Variants in PHACTR4 observed in about 807,000 individuals in gnomAD.
PHACTR4 encodes the protein phosphatase and actin regulator 4.
A neutral mutation model predicts 72.7 loss-of-function variants in PHACTR4; 51 were observed. That is an observed-to-expected ratio of 0.70 (90% CI 0.56 to 0.89). The LOEUF (loss-of-function observed/expected upper bound fraction) is 0.89, where lower values mean the gene tolerates loss of function less well. Ranked by LOEUF, PHACTR4 falls within the 40% of genes least tolerant of loss-of-function variation. PHACTR4 has a pLI of 0.00. For missense variants in PHACTR4, 731 were observed against 861.8 expected, an observed-to-expected ratio of 0.85 and a Z score of 1.90; for synonymous variants, 255 against 302.5, an observed-to-expected ratio of 0.84 and a Z score of 1.63.
intron 2 of PHACTR4, among the ~76,000 whole-genome samples, chr1:28,419,501 CACTT>C (rs1217785855): frequency 2.6e-5 from 4 of 151,772 alleles, no homozygotes; most frequent in Admixed American, 6.6e-5. Context: ...TACACACACA[CACTT>C]TTTTTGAGAT....
intron 1 of PHACTR4, 107 bp downstream of exon 1, chr1:28,369,932 C>A (rs1352153232): frequency 1.4e-5 from 5 of 368,048 alleles, no homozygotes; most frequent in Non-Finnish European, 5.2e-6. Flanking sequence ...GGTCCCGGTC[C>A]GGGCAGAAGG....
rs1652853908 is a variant in PHACTR4 at position 28,389,744 on chromosome 1, T to C, written c.-38-17666T>C. The stretch of plus-strand genomic sequence containing the variant: ...CCTGCCTCGGCCCCCCACCAAGTTT[T>C]GGGATTACAGGCGTGAGCCACCGCG... On this transcript the variant is annotated intron_variant, in intron 1 of 13. Coordinates refer to ENST00000373839, the MANE Select transcript of PHACTR4 (RefSeq NM_001048183.3). Among the ~76,000 whole-genome samples the C allele has an allele frequency of 2.6e-5, 4 of 152,284 alleles. No individual in the cohort carries two copies. In the Middle Eastern group the frequency reaches 0.01, roughly 388 times the overall value.
intron 1 of PHACTR4, among the ~76,000 whole-genome samples, chr1:28,373,250 T>G (rs976062954): frequency 1.3e-5 from 2 of 152,072 alleles, no homozygotes; most frequent in African/African-American, 4.8e-5. Flanking sequence ...TGAGCCAGTG[T>G]GTCTAGCTAT....
At position 28,395,285 on chromosome 1, in the gene PHACTR4, T is replaced by C. The variant is rs575500189; in HGVS notation, c.-38-12125T>C. 2.7e-4 allele frequency among the ~76,000 whole-genome samples: 41 copies of C among 152,292 alleles called. 1 individual carries two copies. The South Asian group carries it at 8.5e-3, about 32-fold the overall frequency. On this transcript the variant is annotated intron_variant, in intron 1 of 13. Transcript: ENST00000373839. The stretch of plus-strand genomic sequence containing the variant: ...GATACATAACGATGCCAGAAATATA[T>C]ACGGCTTCATTTTTGTGGGTGTTGA...
intron 9 of PHACTR4, among the ~76,000 whole-genome samples, chr1:28,488,439 G>A (rs191362230): frequency 6.6e-6 from 1 of 152,326 alleles, no homozygotes; most frequent in East Asian, 1.9e-4. Flanking sequence ...GGAGCTTGTA[G>A]TGAGCCGAGA....
At chr1:28,487,975 G>A (rs757739173) in intron 9 of PHACTR4, among the ~76,000 whole-genome samples, 3 of 151,686 alleles carry the variant, frequency 2.0e-5, no homozygotes, top group Non-Finnish European at 2.9e-5. Flanking sequence ...GACCTCAGGT[G>A]ATCCACCTGC....
chr1:28,491,515 T>C, intron 11 of PHACTR4, 135 bp from the exon 12 acceptor site: 1 of 1,198,478 alleles, frequency 8.3e-7, no homozygotes, highest in East Asian at 2.4e-5. Context: ...GGGTGGGACC[T>C]CCAGGGATCA....
chr1:28,370,547 T>C (rs928226706), intron 1 of PHACTR4, among the ~76,000 whole-genome samples: 1 of 148,818 alleles, frequency 6.7e-6, no homozygotes, highest in Admixed American at 6.7e-5. Flanking sequence ...AATGGTAGAA[T>C]GGCAGTTCAC....
At chr1:28,444,756 C>T (rs1003487423) in intron 2 of PHACTR4, among the ~76,000 whole-genome samples, 1 of 147,698 alleles carries the variant, frequency 6.8e-6, no homozygotes, top group Non-Finnish European at 1.5e-5. Context: ...GCTAGGACTA[C>T]AGGCGCCTGC....
At chr1:28,425,505 T>A (rs1217236794) in intron 2 of PHACTR4, among the ~76,000 whole-genome samples, 4 of 152,244 alleles carry the variant, frequency 2.6e-5, no homozygotes, top group Non-Finnish European at 5.9e-5. Flanking sequence ...CAGGAATTTT[T>A]ATTGAGTCGT....
Position 28,465,830 on chromosome 1 carries a change from G to A in PHACTR4, c.417G>A (p.Glu139=). The A allele has an allele frequency of 6.2e-7, 1 of 1,607,976 alleles. No homozygotes were observed. Among genetic ancestry groups the A allele is most frequent in the Non-Finnish European group, 8.5e-7 (1 of 1,178,350 alleles). ...GTCTTAGGAAAGCTATTCCAGAAGA[G>A]GACCTAAAGAAACGACTAGGTAAGA... is the stretch of plus-strand genomic sequence containing the variant. The part of the protein sequence containing the change: ...LASLRKAIPE[E]DLKKRLGSTG... Residue 139 remains glutamate, a synonymous_variant, in exon 5 of 14, where the codon GAG becomes GAA. Coordinates refer to ENST00000373839, the MANE Select transcript of PHACTR4 (RefSeq NM_001048183.3).
chr1:28,382,848 C>G (rs1213515924), intron 1 of PHACTR4, among the ~76,000 whole-genome samples: 4 of 152,032 alleles, frequency 2.6e-5, no homozygotes, highest in Non-Finnish European at 5.9e-5. Flanking sequence ...GGCTGGAGTA[C>G]AGTGGCACGA....
chr1:28,478,268 A>C (rs890814681), intron 8 of PHACTR4, among the ~76,000 whole-genome samples: 2 of 152,194 alleles, frequency 1.3e-5, no homozygotes, highest in African/African-American at 4.8e-5. Flanking sequence ...TCAATTGTGT[A>C]TATACACCAC....
chr1:28,499,323 T>C lies in PHACTR4; in HGVS notation c.*2774T>C, dbSNP rs1410610477. On this transcript the variant is annotated 3_prime_UTR_variant, in exon 14 of 14. Transcript: ENST00000373839. The stretch of plus-strand genomic sequence containing the variant: ...GCTAATTTTATATTTCTAGTAGAGA[T>C]GAGGTTTCTCCATGTTGGTCAGGCT... The C allele has an allele frequency of 1.3e-5, 2 of 151,854 alleles. No homozygotes were observed. Among genetic ancestry groups the C allele is most frequent in the Non-Finnish European group, 2.9e-5 (2 of 68,028 alleles). The allele number at this position is 151,854 out of a possible 1,614,324, so 9.4% of individuals were successfully genotyped here.
chr1:28,480,486 C>G lies in PHACTR4; in HGVS notation c.1642C>G (p.Leu548Val). 6.2e-7 allele frequency: 1 copy of G among 1,614,118 alleles called. No individual in the cohort carries two copies. The highest frequency in any genetic ancestry group is 8.5e-7 in the Non-Finnish European group (1 of 1,180,014). ...CAACAAAGTGAAGAGGAAAGACACA[C>G]TGGCAATGAAGTTGAACCACAGACC... ...LANKVKRKDT[L>V]AMKLNHRPSE... Residue 548 changes from leucine (L) to valine (V), a missense_variant, in exon 9 of 14, where the codon CTG becomes GTG. By Grantham distance (32) the Leu-to-Val change is conservative. Transcript: ENST00000373839.
chr1:28,434,985 G>A (rs936668347), intron 2 of PHACTR4, among the ~76,000 whole-genome samples: 1 of 152,164 alleles, frequency 6.6e-6, no homozygotes, highest in Non-Finnish European at 1.5e-5. Flanking sequence ...GGCTGTGTGT[G>A]TGTGTGTATT....
intron 1 of PHACTR4, among the ~76,000 whole-genome samples, chr1:28,380,247 G>T (rs1005504536): frequency 6.7e-6 from 1 of 150,204 alleles, no homozygotes; most frequent in Non-Finnish European, 1.5e-5. Context: ...TAGTAGAGAC[G>T]GGGTTTCACT....
chr1:28,496,450 T>C (rs1661367150), intron 13 of PHACTR4, 84 bp from the exon 14 acceptor site: 1 of 1,447,198 alleles, frequency 6.9e-7, no homozygotes, highest in Non-Finnish European at 9.7e-7. Flanking sequence ...GTTAATTAGG[T>C]ATAACATTTC....
intron 2 of PHACTR4, among the ~76,000 whole-genome samples, chr1:28,422,929 G>A (rs1490531357): frequency 1.3e-5 from 2 of 152,182 alleles, no homozygotes; most frequent in Admixed American, 6.5e-5. Flanking sequence ...TGGGACTACC[G>A]GCGCATGCCA....
Sources: gnomAD v4.1 joint callset for allele counts (sites outside exome capture counted in the v4.1 genomes callset) on GRCh38, gnomAD v4.1.1 for gene constraint, MANE v1.5 for transcripts, NCBI Gene and HGNC (gene_info 2026-07-23, HGNC 2026-07-21) for gene names.